The following APP variants were observed in gnomAD, a reference collection of about 807,000 sequenced individuals.
APP encodes amyloid beta precursor protein, also known as amyloid-beta precursor protein.
Under a neutral mutation model 101.4 loss-of-function variants are expected in APP, and 31 were observed. The observed-to-expected ratio is 0.31, with a 90% CI of 0.23 to 0.41. The LOEUF (loss-of-function observed/expected upper bound fraction) is 0.41. Among genes scored for constraint, APP ranks in the 10% least tolerant of loss-of-function variants. The probability of loss-of-function intolerance (pLI) is 1.00; values close to 1 mark genes in which losing one functional copy is unlikely to be tolerated. For missense variants in APP, 839 were observed against 1,003.7 expected (o/e 0.84, Z 2.22); for synonymous variants, 366 against 364.4 (o/e 1.00, Z -0.05).
chr21:25,910,819 T>C (rs2039034011), intron 14 of APP, among the ~76,000 whole-genome samples: 1 of 152,252 alleles, frequency 6.6e-6, no homozygotes, highest in Non-Finnish European at 1.5e-5. Context: ...TTTATTTATA[T>C]GTAGTTCTCT....
At chr21:25,944,323 A>T (rs2040712234) in intron 13 of APP, among the ~76,000 whole-genome samples, 1 of 152,208 alleles carries the variant, frequency 6.6e-6, no homozygotes. Flanking sequence ...GTTTAGGTGC[A>T]CACCAAGTCA....
At position 25,939,708 on chromosome 21, in the gene APP, G is replaced by A. The variant is rs142231578; in HGVS notation, c.1687+14882C>T. Among the ~76,000 whole-genome samples the A allele has an allele frequency of 2.1e-3, 327 of 152,202 alleles. 3 individuals are homozygous for A. Among genetic ancestry groups the A allele is most frequent in the Non-Finnish European group, 2.3e-3 (157 of 67,996 alleles). On this transcript the variant is annotated intron_variant, in intron 13 of 17. Transcript: ENST00000346798. Reference sequence around the variant, plus strand: ...TACTGACATTGCCAACCAGCAGTCTGGAAACTGTTCAGGTTGATTCTTAGC... The same window carrying A: ...TACTGACATTGCCAACCAGCAGTCTAGAAACTGTTCAGGTTGATTCTTAGC...
At chr21:25,982,041 T>TA (rs2042452686) in intron 9 of APP, among the ~76,000 whole-genome samples, 4 of 152,192 alleles carry the variant, frequency 2.6e-5, no homozygotes, top group African/African-American at 9.7e-5. Context: ...AACATGTTGA[T>TA]TACAGGTACT....
At chr21:25,925,512 G>A (rs557797271) in intron 13 of APP, among the ~76,000 whole-genome samples, 39 of 152,242 alleles carry the variant, frequency 2.6e-4, no homozygotes, top group Admixed American at 6.5e-4. Flanking sequence ...GCATGTTAAT[G>A]TGATCCCCAG....
intron 17 of APP, 62 bp from the exon 18 acceptor site, chr21:25,881,833 A>T (rs1027208277): frequency 6.7e-7 from 1 of 1,501,738 alleles, no homozygotes; most frequent in Middle Eastern, 2.3e-4. Context: ...GTGAACATGG[A>T]GAAGCAGTAA....
At position 26,051,045 on chromosome 21, in the gene APP, G is replaced by A. The variant is rs376138420; in HGVS notation, c.617C>T (p.Ser206Leu). 66 of 1,613,974 alleles carry A rather than the reference G, an allele frequency of 4.1e-5. No homozygotes were observed. The highest frequency in any genetic ancestry group is 5.4e-5 in the Non-Finnish European group (64 of 1,180,040). ...GTCTGCTCCGCCCCACCAGACATCC[G>A]AGTCATCCTCCTCCGCATCAGCAGA... ...VDSADAEEDD[S>L]DVWWGGADTD... is the part of the protein sequence containing the mutation. Residue 206 changes from serine (S) to leucine (L), a missense_variant, in exon 5 of 18, where the codon TCG becomes TTG. Physicochemically the swap from Ser to Leu is moderately radical, Grantham distance 145. Transcript: ENST00000346798.
chr21:25,924,954 A>C lies in APP; in HGVS notation c.1688-12992T>G, dbSNP rs3827216. Reference sequence around the variant, plus strand: ...ATCTGCAACTTCTCCACAAAATGGAAATTTGTTTTTAATCTTATCTAACAG... The same window carrying C: ...ATCTGCAACTTCTCCACAAAATGGACATTTGTTTTTAATCTTATCTAACAG... On this transcript the variant is annotated intron_variant, in intron 13 of 17. Coordinates refer to ENST00000346798, the MANE Select transcript of APP (RefSeq NM_000484.4). 0.02 allele frequency among the ~76,000 whole-genome samples: 3,015 copies of C among 152,260 alleles called. 197 individuals carry two copies. The East Asian group carries it at 0.21, about 10-fold the overall frequency.
At chr21:26,130,101 A>G (rs1237499647) in intron 1 of APP, among the ~76,000 whole-genome samples, 1 of 152,236 alleles carries the variant, frequency 6.6e-6, no homozygotes, top group Admixed American at 6.5e-5. Context: ...AATGTTGAGC[A>G]TCACACAACA....
intron 2 of APP, among the ~76,000 whole-genome samples, chr21:26,092,105 G>A (rs990961750): frequency 6.6e-5 from 10 of 152,164 alleles, no homozygotes; most frequent in African/African-American, 1.9e-4. Context: ...TCAATTGAGC[G>A]TGACTCAATC....
chr21:26,141,759 C>T (rs933684049), intron 1 of APP, among the ~76,000 whole-genome samples: 8 of 152,148 alleles, frequency 5.3e-5, no homozygotes, highest in Non-Finnish European at 5.9e-5. Context: ...CTATCGGTTC[C>T]AGTTTACAAA....
chr21:26,152,112 T>C (rs888845477), intron 1 of APP, among the ~76,000 whole-genome samples: 1 of 151,370 alleles, frequency 6.6e-6, no homozygotes, highest in South Asian at 2.1e-4. Flanking sequence ...CTATCTCTAC[T>C]AAAAATACAA....
intron 1 of APP, among the ~76,000 whole-genome samples, chr21:26,131,116 C>G (rs1360246523): frequency 6.6e-6 from 1 of 152,056 alleles, no homozygotes; most frequent in Non-Finnish European, 1.5e-5. Flanking sequence ...GTAATCCCAG[C>G]TACTCAGGAG....
intron 15 of APP, among the ~76,000 whole-genome samples, chr21:25,904,519 GAAACC>G (rs1411630683): frequency 6.6e-6 from 1 of 152,168 alleles, no homozygotes; most frequent in Non-Finnish European, 1.5e-5. Context: ...GCTCTGGAAA[GAAACC>G]AATTCTGGTA....
chr21:26,170,435 G>A (rs975760193), intron 1 of APP, 129 bp downstream of exon 1: 5 of 986,232 alleles, frequency 5.1e-6, no homozygotes, highest in African/African-American at 5.1e-5. Flanking sequence ...CGCAAGCGGG[G>A]GCGGAGAGGA....
At position 26,000,094 on chromosome 21, in the gene APP, T is replaced by C. The variant is rs932957590; in HGVS notation, c.954A>G (p.Pro318=). 1.9e-6 allele frequency: 3 copies of C among 1,614,156 alleles called. No homozygotes were observed. Among genetic ancestry groups the C allele is most frequent in the Non-Finnish European group, 1.7e-6 (2 of 1,180,008 alleles). Residue 318 remains proline, a synonymous_variant, in exon 7 of 18, where the codon CCA becomes CCG. Coordinates refer to ENST00000346798, the MANE Select transcript of APP (RefSeq NM_000484.4). ...TGCCGCCACATCCGCCGTAAAAGAA[T>C]GGGGCACACTTCCCTTCAGTCACAT... ...YFDVTEGKCA[P]FFYGGCGGNR...
chr21:26,102,971 C>T lies in APP; in HGVS notation c.225+9008G>A, dbSNP rs1239039376. ...TGTTTCCATAATGCTATGAGAGATA[C>T]TTTTTGCTTCTAGTATAAATAACAG... On this transcript the variant is annotated intron_variant, in intron 2 of 17. Coordinates refer to ENST00000346798, the MANE Select transcript of APP (RefSeq NM_000484.4). Among the ~76,000 whole-genome samples, 4 of 142,630 alleles carry T rather than the reference C, an allele frequency of 2.8e-5. No individual in the cohort carries two copies. The East Asian group carries it at 9.4e-4, about 33-fold the overall frequency. 93.6% of individuals were successfully genotyped at this position (142,630 alleles called of 152,430 possible).
chr21:26,162,219 C>T (rs2063506257), intron 1 of APP, among the ~76,000 whole-genome samples: 1 of 152,184 alleles, frequency 6.6e-6, no homozygotes, highest in Non-Finnish European at 1.5e-5. Context: ...GTCCCAGCTA[C>T]TCTGGAGGCT....
chr21:25,933,296 TCTCA>T (rs1244516268), intron 13 of APP, among the ~76,000 whole-genome samples: 3 of 152,128 alleles, frequency 2.0e-5, no homozygotes. Flanking sequence ...AGAGATGGGG[TCTCA>T]CTATGATGCC....
At chr21:26,042,254 C>A (rs953407913) in intron 5 of APP, among the ~76,000 whole-genome samples, 1 of 152,118 alleles carries the variant, frequency 6.6e-6, no homozygotes, top group African/African-American at 2.4e-5. Context: ...TCAAATACAG[C>A]CTCTCTTTCT....
Sources: gnomAD v4.1 joint callset for allele counts (sites outside exome capture counted in the v4.1 genomes callset) on GRCh38, gnomAD v4.1.1 for gene constraint, MANE v1.5 for transcripts, NCBI Gene and HGNC (gene_info 2026-07-23, HGNC 2026-07-21) for gene names.